The following POLR1C variants were observed in gnomAD, a reference collection of about 807,000 sequenced individuals.
POLR1C encodes RNA polymerase I and III subunit C, also known as DNA-directed RNA polymerases I and III subunit RPAC1.
POLR1C carries 42 observed loss-of-function variants against 38.3 expected under a neutral mutation model. That is an observed-to-expected ratio of 1.10 (90% CI 0.86 to 1.42). The LOEUF (loss-of-function observed/expected upper bound fraction) is 1.42. Among genes scored for constraint, POLR1C ranks in the 40% most tolerant of loss-of-function variants. The probability of loss-of-function intolerance (pLI) is 0.00; values close to 1 mark genes in which losing one functional copy is unlikely to be tolerated. For synonymous variants in POLR1C, 163 were observed against 163.9 expected, an observed-to-expected ratio of 0.99 and a Z score of 0.04; for missense variants, 507 against 450.5, an observed-to-expected ratio of 1.13 and a Z score of -1.14.
At chr6:43,547,759 A>G (rs1454993143) in intron 9 of POLR1C, 23 of 1,533,846 alleles carry the variant, frequency 1.5e-5, no homozygotes, top group Admixed American at 3.4e-5. Context: ...AAACAAGGAC[A>G]GTTTCTTCCA....
rs780884071 is a variant in POLR1C, at chr6:43,521,283, G to A, written c.1024G>A (p.Ala342Thr). 1 of 1,612,436 alleles carries A rather than the reference G, an allele frequency of 6.2e-7. No individual in the cohort carries two copies. Among genetic ancestry groups the A allele is most frequent in the Non-Finnish European group, 8.5e-7 (1 of 1,180,006 alleles). Residue 342 changes from alanine to threonine, a missense_variant, in exon 9 of 9, where the codon GCG becomes ACG. Physicochemically the swap from Ala to Thr is moderately conservative, Grantham distance 58. Transcript: ENST00000642195. ...CCGGCGCTTCTTGGATGAACTAGATGCGGTTCAGATGGACTGAGCTTGGAT... is the reference window on the plus strand; with the variant it reads ...CCGGCGCTTCTTGGATGAACTAGATACGGTTCAGATGGACTGAGCTTGGAT... ...KCRRFLDELD[A>T]VQMD
intron 10 of POLR1C, among the ~76,000 whole-genome samples, chr6:43,556,952 A>C (rs1312296987): frequency 6.6e-6 from 1 of 151,968 alleles, no homozygotes; most frequent in East Asian, 1.9e-4. Flanking sequence ...ACATGATGAA[A>C]CCCAGTCTCT....
At chr6:43,519,101 G>A (rs931902202) in intron 2 of POLR1C, 17 of 574,104 alleles carry the variant, frequency 3.0e-5, no homozygotes, top group South Asian at 1.8e-4. Context: ...TCTGTGGATG[G>A]TTTGGTTGGA....
downstream of POLR1C, chr6:43,523,483 G>A (rs890002111): frequency 4.0e-5 from 15 of 371,528 alleles, no homozygotes; most frequent in African/African-American, 2.7e-4. Context: ...CTCTTGCTGC[G>A]AGCCTTGCTA....
At chr6:43,539,679 C>A (rs1040570037) in intron 9 of POLR1C, 6 of 926,264 alleles carry the variant, frequency 6.5e-6, no homozygotes, top group African/African-American at 1.7e-5. Flanking sequence ...CCAGGCCCCC[C>A]CACTGCACCG....
intron 10 of POLR1C, among the ~76,000 whole-genome samples, chr6:43,560,751 G>C (rs147479127): frequency 1.3e-5 from 2 of 152,188 alleles, no homozygotes; most frequent in Non-Finnish European, 2.9e-5. Context: ...CAAGTGCACT[G>C]TTTGGCTCAG....
At chr6:43,527,682 C>G (rs1362180578) in intron 8 of POLR1C, 2 of 1,613,994 alleles carry the variant, frequency 1.2e-6, no homozygotes, top group South Asian at 2.2e-5. Context: ...AGTTGCTCCT[C>G]CAGCATCTCT....
chr6:43,517,299 G>A lies in POLR1C; in HGVS notation c.70-7G>A. On this transcript the variant is annotated splice_polypyrimidine_tract_variant and splice_region_variant and intron_variant, in intron 1 of 8. Transcript: ENST00000642195. ...CCTTCGTGGACAAATTCGTCCCTTT[G>A]CTCTAGGTCCATACTACTGACTTTC... The A allele has an allele frequency of 6.2e-7, 1 of 1,613,982 alleles. No homozygotes were observed. Among genetic ancestry groups the A allele is most frequent in the Non-Finnish European group, 8.5e-7 (1 of 1,179,840 alleles).
intron 10 of POLR1C, chr6:43,553,314 G>C: frequency 1.3e-6 from 2 of 1,547,970 alleles, no homozygotes; most frequent in South Asian, 1.2e-5. Context: ...AATAGAAAGA[G>C]AAAAGAAAAG....
At position 43,562,381 on chromosome 6, in the gene POLR1C, A is replaced by T. The variant is rs767589699; in HGVS notation, c.*1030A>T. 10 of 1,464,142 alleles carry T rather than the reference A, an allele frequency of 6.8e-6. No individual in the cohort carries two copies. The East Asian group carries it at 2.4e-4, about 35-fold the overall frequency. 90.7% of individuals were successfully genotyped at this position (1,464,142 alleles called of 1,614,324 possible). ...GAGAATTCCTTATATCACCAACAAA[A>T]TTAAAAAGGCTGTAATAAAAACATC... On this transcript the variant is annotated 3_prime_UTR_variant, in exon 11 of 11. Coordinates refer to the POLR1C transcript ENST00000607635.
At chr6:43,559,785 G>A (rs1487947507) in intron 10 of POLR1C, among the ~76,000 whole-genome samples, 4 of 152,184 alleles carry the variant, frequency 2.6e-5, no homozygotes, top group African/African-American at 9.6e-5. Flanking sequence ...TCTTAGTGAT[G>A]AAGAAGGGCT....
chr6:43,517,962 A>C (rs780501901), intron 2 of POLR1C, among the ~76,000 whole-genome samples: 5 of 152,184 alleles, frequency 3.3e-5, no homozygotes, highest in Admixed American at 6.5e-5. Context: ...TGCTTGGGAA[A>C]ATTTTACTTT....
At chr6:43,544,936 G>GCA (rs1794891707) in intron 9 of POLR1C, among the ~76,000 whole-genome samples, 1 of 152,090 alleles carries the variant, frequency 6.6e-6, no homozygotes, top group African/African-American at 2.4e-5. Flanking sequence ...GCAGTGGCGT[G>GCA]ATCTTAGCTC....
intron 2 of POLR1C, among the ~76,000 whole-genome samples, chr6:43,518,009 T>C (rs922521209): frequency 1.3e-5 from 2 of 151,942 alleles, no homozygotes; most frequent in Non-Finnish European, 2.9e-5. Context: ...GTATGAACAA[T>C]GAAAAAGGTT....
intron 9 of POLR1C, chr6:43,547,287 G>A (rs1240166044): frequency 4.7e-6 from 2 of 421,294 alleles, no homozygotes; most frequent in African/African-American, 2.0e-5. Flanking sequence ...GACTTTACAT[G>A]CCAGAGAGCA....
intron 9 of POLR1C, among the ~76,000 whole-genome samples, chr6:43,535,311 T>C (rs933713130): frequency 3.3e-5 from 5 of 150,402 alleles, no homozygotes; most frequent in Non-Finnish European, 7.4e-5. Flanking sequence ...TTTCTATGGC[T>C]GGGCCCAGTG....
At chr6:43,534,108 G>A, downstream of POLR1C, 1 of 817,024 alleles carries the variant, frequency 1.2e-6, no homozygotes, top group Non-Finnish European at 1.9e-6. Context: ...ACACAGATCT[G>A]CCCATCAACT....
At chr6:43,525,026 C>A, downstream of POLR1C, 1 of 1,594,024 alleles carries the variant, frequency 6.3e-7, no homozygotes. Flanking sequence ...CCTCAGCACC[C>A]CAGTTCTTCT....
chr6:43,523,743 G>A (rs1793349944), downstream of POLR1C: 9 of 1,494,452 alleles, frequency 6.0e-6, no homozygotes, highest in Non-Finnish European at 8.4e-6. Flanking sequence ...CTCCAGACCT[G>A]GATCTCTTTC....
Sources: gnomAD v4.1 joint callset for allele counts (sites outside exome capture counted in the v4.1 genomes callset) on GRCh38, gnomAD v4.1.1 for gene constraint, MANE v1.5 for transcripts, NCBI Gene and HGNC (gene_info 2026-07-23, HGNC 2026-07-21) for gene names.